The following RASA3 variants were observed in gnomAD, a reference collection of about 807,000 sequenced individuals.
RASA3 encodes RAS p21 protein activator 3.
A neutral mutation model predicts 110.0 loss-of-function variants in RASA3; 73 were observed. The ratio of observed to expected loss-of-function variants is 0.66; its 90% CI spans 0.55 to 0.81. RASA3 has a LOEUF of 0.81. Ranked by LOEUF, RASA3 falls within the 30% of genes least tolerant of loss-of-function variation. The probability of loss-of-function intolerance (pLI) is 0.00; values close to 1 mark genes in which losing one functional copy is unlikely to be tolerated. For missense variants in RASA3, 976 were observed against 1,113.2 expected, an observed-to-expected ratio of 0.88 and a Z score of 1.75; for synonymous variants, 500 against 451.4, an observed-to-expected ratio of 1.11 and a Z score of -1.37.
chr13:113,992,887 T>C (rs780519654), intron 21 of RASA3, among the ~76,000 whole-genome samples: 6 of 152,234 alleles, frequency 3.9e-5, no homozygotes, highest in Admixed American at 6.5e-5. Flanking sequence ...AGATCCTTGC[T>C]GTTTAGTATT....
At position 113,981,716 on chromosome 13, in the gene RASA3, C is replaced by T; in HGVS notation, c.2388G>A (p.Gln796=). The change falls in exon 23 of 24, where the codon CAG becomes CAA. Residue 796 remains glutamine (Q), a synonymous_variant. Coordinates refer to ENST00000334062, the MANE Select transcript of RASA3 (RefSeq NM_007368.4). ...TCTTCTTGAACTTGTCCCTCTTATA[C>T]TGGGCGTGCTCCTGCTCCAAAGCCC... ...GVGALEQEHA[Q]YKRDKFKKTK... is the part of the protein sequence containing the mutation. 4 of 1,614,080 alleles carry T rather than the reference C, an allele frequency of 2.5e-6. No individual in the cohort carries two copies. Among genetic ancestry groups the T allele is most frequent in the Non-Finnish European group, 3.4e-6 (4 of 1,179,970 alleles).
intron 1 of RASA3, among the ~76,000 whole-genome samples, chr13:114,094,188 T>A (rs1247216329): frequency 6.6e-6 from 1 of 152,210 alleles, no homozygotes; most frequent in Non-Finnish European, 1.5e-5. Context: ...AGAATTCTTG[T>A]TGTTGTGGGA....
chr13:114,061,632 G>A (rs113784824), intron 2 of RASA3, among the ~76,000 whole-genome samples: 20,227 of 146,276 alleles, frequency 0.14, 1,747 homozygotes, highest in Middle Eastern at 0.22. Context: ...AACCGAGATC[G>A]CACCACTGCA....
In RASA3 at chr13:114,065,194, C is replaced by T. The variant is rs1182561321; in HGVS notation, c.173+8526G>A. ...GCTGGGACCAGCAGAGAAACCCCCG[C>T]CTTCTCCTCCCTGAGTCACTTCCCA... On this transcript the variant is annotated intron_variant, in intron 2 of 23. Transcript: ENST00000334062. The surrounding 1 kb of genome is among the most constrained non-coding windows in gnomAD (Gnocchi z 4.1). 6.6e-6 allele frequency among the ~76,000 whole-genome samples: 1 copy of T among 152,242 alleles called. No individual in the cohort carries two copies. Among genetic ancestry groups the T allele is most frequent in the Non-Finnish European group, 1.5e-5 (1 of 68,044 alleles).
At chr13:114,013,404 T>TCTCTCTGTTTCC (rs1351823983) in intron 14 of RASA3, among the ~76,000 whole-genome samples, 156 bp from the exon 15 acceptor site, 544 of 43,368 alleles carry the variant, frequency 0.013, 4 homozygotes, top group African/African-American at 0.06. Context: ...TCTGTTTCCC[T>TCTCTCTGTTTCC]CTCTCCCTCT....
At chr13:114,025,832 C>T (rs1447402521) in intron 7 of RASA3, among the ~76,000 whole-genome samples, 2 of 152,206 alleles carry the variant, frequency 1.3e-5, no homozygotes, top group East Asian at 1.9e-4. Context: ...GGCTGTCTGA[C>T]CACAGCCCGC....
intron 1 of RASA3, among the ~76,000 whole-genome samples, chr13:114,090,230 C>G (rs925794254): frequency 6.6e-6 from 1 of 152,238 alleles, no homozygotes; most frequent in Non-Finnish European, 1.5e-5. Context: ...TGCCCAGGGC[C>G]GTGCCTTCAC....
intron 1 of RASA3, among the ~76,000 whole-genome samples, chr13:114,097,842 C>G (rs1489774052): frequency 6.6e-6 from 1 of 152,220 alleles, no homozygotes; most frequent in Non-Finnish European, 1.5e-5. Context: ...CAGGAAGGCC[C>G]TGCCTGGGTC....
intron 4 of RASA3, among the ~76,000 whole-genome samples, chr13:114,030,847 G>A (rs2054150923): frequency 1.3e-5 from 2 of 152,038 alleles, no homozygotes; most frequent in African/African-American, 4.8e-5. Context: ...GCAGCTGTGT[G>A]TCCTCCTGTG....
At chr13:114,126,635 G>C (rs1280502000) in intron 1 of RASA3, among the ~76,000 whole-genome samples, 1 of 152,188 alleles carries the variant, frequency 6.6e-6, no homozygotes, top group Non-Finnish European at 1.5e-5. Context: ...TTAAAGTGTA[G>C]CTCTTTTTCA....
intron 2 of RASA3, among the ~76,000 whole-genome samples, chr13:114,062,899 C>T (rs765272641): frequency 3.9e-5 from 6 of 152,226 alleles, no homozygotes; most frequent in African/African-American, 4.8e-5. Flanking sequence ...CAACAGGCCA[C>T]GCACACAGAG....
rs538737437 is a variant in RASA3 at position 114,056,591 on chromosome 13, G to A, written c.174-4436C>T. 17 of 985,224 alleles carry A rather than the reference G, an allele frequency of 1.7e-5. No individual in the cohort carries two copies. In the South Asian group the frequency reaches 2.4e-4, roughly 14 times the overall value. The allele number at this position is 985,224 out of a possible 1,614,324, so 61.0% of individuals were successfully genotyped here. A position where few individuals can be genotyped will look rare whatever the true frequency, so the allele number is the denominator to read the frequency against. ...AACTCTGCTTGGCAGTGGGGGGCTC[G>A]GTGGGGGGAGGCCCGTGCTGGCTGG... On this transcript the variant is annotated intron_variant, in intron 2 of 23. Transcript: ENST00000334062. The surrounding 1 kb of genome is among the most constrained non-coding windows in gnomAD (Gnocchi z 5.7).
At chr13:114,079,298 A>G (rs931894567) in intron 1 of RASA3, among the ~76,000 whole-genome samples, 2 of 152,214 alleles carry the variant, frequency 1.3e-5, no homozygotes, top group African/African-American at 4.8e-5. Flanking sequence ...AACGTGGAAC[A>G]GGTGATGGCG....
chr13:114,094,049 G>A (rs1056430991), intron 1 of RASA3, among the ~76,000 whole-genome samples: 15 of 152,024 alleles, frequency 9.9e-5, no homozygotes, highest in African/African-American at 3.1e-4. Flanking sequence ...GTTAGGGCCC[G>A]TCTCTCGCAC....
At chr13:114,022,237 C>T (rs2053942011) in intron 8 of RASA3, among the ~76,000 whole-genome samples, 1 of 152,186 alleles carries the variant, frequency 6.6e-6, no homozygotes, top group Non-Finnish European at 1.5e-5. Flanking sequence ...CAGCGGCTCC[C>T]ACTAATGTTC....
chr13:114,108,372 A>G (rs2080168537), intron 1 of RASA3, among the ~76,000 whole-genome samples: 2 of 66,686 alleles, frequency 3.0e-5, no homozygotes, highest in South Asian at 5.8e-4. Context: ...CCCCGCGTCC[A>G]TCACCCCCAT....
At chr13:114,023,234 TCCC>T (rs2053962826) in intron 8 of RASA3, among the ~76,000 whole-genome samples, 2 of 114,832 alleles carry the variant, frequency 1.7e-5, no homozygotes, top group Non-Finnish European at 4.5e-5. Context: ...CTCAGGGACA[TCCC>T]AGGCTCGGGG....
intron 4 of RASA3, among the ~76,000 whole-genome samples, chr13:114,033,167 TGACACCACGCCCCACGGCACCCCCACAC>T (rs2054208039): frequency 2.0e-5 from 1 of 50,454 alleles, no homozygotes; most frequent in African/African-American, 8.4e-5. Flanking sequence ...ACCCCCACAC[TGACACCACGCCCCACGGCACCCCCACAC>T]TGACACCACG....
At chr13:113,992,410 C>T in intron 22 of RASA3, 75 bp downstream of exon 22, 1 of 1,206,274 alleles carries the variant, frequency 8.3e-7, no homozygotes, top group Non-Finnish European at 1.2e-6. Context: ...GTTTTCACCC[C>T]ACAGCATGCT....
Sources: gnomAD v4.1 joint callset for allele counts (sites outside exome capture counted in the v4.1 genomes callset) on GRCh38, gnomAD v4.1.1 for gene constraint, Gnocchi (gnomAD v3.1) non-coding constraint, MANE v1.5 for transcripts, NCBI Gene and HGNC (gene_info 2026-07-23, HGNC 2026-07-21) for gene names.